The following L3MBTL3 variants were observed in gnomAD, a reference collection of about 807,000 sequenced individuals.
L3MBTL3 encodes the protein lethal(3)malignant brain tumor-like protein 3.
Under a neutral mutation model 102.3 loss-of-function variants are expected in L3MBTL3, and 27 were observed. That is an observed-to-expected ratio of 0.26 (90% CI 0.19 to 0.36). L3MBTL3 has a LOEUF of 0.36. Ranked by LOEUF, L3MBTL3 falls within the 10% of genes least tolerant of loss-of-function variation. L3MBTL3 has a pLI of 1.00. For missense variants in L3MBTL3, 798 were observed against 955.3 expected, an observed-to-expected ratio of 0.84 and a Z score of 2.17; for synonymous variants, 340 against 320.9, an observed-to-expected ratio of 1.06 and a Z score of -0.64.
intron 19 of L3MBTL3, among the ~76,000 whole-genome samples, chr6:130,106,578 C>T (rs756908965): frequency 2.0e-5 from 3 of 152,168 alleles, no homozygotes; most frequent in Non-Finnish European, 4.4e-5. Flanking sequence ...TGAAAATGTC[C>T]GAAGCAGCCT....
chr6:130,020,117 C>T (rs536303924), intron 1 of L3MBTL3, among the ~76,000 whole-genome samples: 2 of 149,758 alleles, frequency 1.3e-5, no homozygotes, highest in South Asian at 2.1e-4. Context: ...GGGTCGGGGC[C>T]GGGGCCGGCG....
chr6:130,047,056 A>G (rs1221128061), intron 3 of L3MBTL3, among the ~76,000 whole-genome samples: 1 of 152,190 alleles, frequency 6.6e-6, no homozygotes, highest in Non-Finnish European at 1.5e-5. Context: ...AAATGTTTTG[A>G]GGTATTTAAT....
At chr6:130,122,294 C>T (rs1582622248) in intron 20 of L3MBTL3, among the ~76,000 whole-genome samples, 2 of 152,290 alleles carry the variant, frequency 1.3e-5, no homozygotes, top group African/African-American at 4.8e-5. Context: ...ATCTGATTTT[C>T]ATAAAGCAAC....
intron 18 of L3MBTL3, among the ~76,000 whole-genome samples, chr6:130,097,433 G>T (rs1331304088): frequency 6.6e-6 from 1 of 152,168 alleles, no homozygotes; most frequent in East Asian, 1.9e-4. Context: ...ATAAGCAAGA[G>T]ACTTTGTTTT....
chr6:130,057,481 C>T lies in L3MBTL3; in HGVS notation c.743C>T (p.Ala248Val), dbSNP rs146342755. 5.0e-5 allele frequency: 80 copies of T among 1,608,776 alleles called. No homozygotes were observed. The African/African-American group carries it at 8.3e-4, about 17-fold the overall frequency. Residue 248 changes from alanine to valine, a missense_variant, in exon 9 of 23, where the codon GCG (alanine) becomes GTG (valine). Ala to Val is a moderately conservative substitution (Grantham distance 64, BLOSUM62 0). Around this residue, in one of 4 missense-constraint regions of L3MBTL3, gnomAD observed 434 missense variants for 506.6 expected, o/e 0.86. Coordinates refer to ENST00000361794, the MANE Select transcript of L3MBTL3 (RefSeq NM_032438.4). ...GAGGAGAAAGCGGTGGCAGTGCCGG[C>T]GAAGCTGTTCAAGGAGGTACGGGCC... ...LEEEKAVAVP[A>V]KLFKEHQSFP...
At chr6:130,111,355 G>A (rs1017168569) in intron 19 of L3MBTL3, among the ~76,000 whole-genome samples, 1 of 152,188 alleles carries the variant, frequency 6.6e-6, no homozygotes, top group African/African-American at 2.4e-5. Flanking sequence ...TTGAACCAGA[G>A]TGAGGCTGTA....
chr6:130,135,376 G>A (rs1002057599), intron 22 of L3MBTL3, among the ~76,000 whole-genome samples: 1 of 152,062 alleles, frequency 6.6e-6, no homozygotes. Context: ...AATTCATTCT[G>A]TATCGCTGAG....
chr6:130,041,897 A>G (rs1452743817), intron 2 of L3MBTL3, among the ~76,000 whole-genome samples: 1 of 152,186 alleles, frequency 6.6e-6, no homozygotes, highest in Non-Finnish European at 1.5e-5. Context: ...ACTGCTCATT[A>G]CTGTTGATTG....
At chr6:130,091,918 T>A (rs750043341) in intron 16 of L3MBTL3, among the ~76,000 whole-genome samples, 1 of 151,828 alleles carries the variant, frequency 6.6e-6, no homozygotes. Flanking sequence ...TAGAGTTAGA[T>A]AGAATCAGTA....
chr6:130,081,371 T>C (rs1334970721), intron 14 of L3MBTL3, among the ~76,000 whole-genome samples: 1 of 152,194 alleles, frequency 6.6e-6, no homozygotes, highest in Non-Finnish European at 1.5e-5. Flanking sequence ...GATGTGTTCC[T>C]TAAAAATGTC....
intron 13 of L3MBTL3, among the ~76,000 whole-genome samples, chr6:130,074,192 T>C (rs1722318043): frequency 6.6e-6 from 1 of 152,230 alleles, no homozygotes; most frequent in South Asian, 2.1e-4. Context: ...TTTTTTACAT[T>C]AGTGGGAATT....
intron 2 of L3MBTL3, among the ~76,000 whole-genome samples, chr6:130,041,998 C>G (rs1466192770): frequency 6.6e-6 from 1 of 152,138 alleles, no homozygotes. Context: ...ACTGATACCT[C>G]CATTCAGATT....
chr6:130,051,517 CT>C, intron 6 of L3MBTL3, 109 bp downstream of exon 6: 22 of 1,000,166 alleles, frequency 2.2e-5, no homozygotes, highest in South Asian at 5.0e-5. Flanking sequence ...CTATTGATAC[CT>C]TTTTCCCAGA....
At chr6:130,109,736 T>C (rs1032346847) in intron 19 of L3MBTL3, among the ~76,000 whole-genome samples, 2 of 152,234 alleles carry the variant, frequency 1.3e-5, no homozygotes, top group African/African-American at 4.8e-5. Flanking sequence ...CAATTTTGGC[T>C]TTTGTTGCAG....
intron 13 of L3MBTL3, among the ~76,000 whole-genome samples, chr6:130,072,564 A>G (rs1312003071): frequency 6.6e-6 from 1 of 152,178 alleles, no homozygotes; most frequent in East Asian, 1.9e-4. Context: ...AAATACAGTC[A>G]ATTTCTAACA....
intron 18 of L3MBTL3, among the ~76,000 whole-genome samples, chr6:130,098,387 TG>T (rs1257383740): frequency 6.6e-6 from 1 of 152,186 alleles, no homozygotes; most frequent in East Asian, 1.9e-4. Context: ...GAGGCCAGTC[TG>T]GTGTAAACAG....
intron 20 of L3MBTL3, among the ~76,000 whole-genome samples, chr6:130,129,589 G>A (rs1362451853): frequency 6.6e-6 from 1 of 152,166 alleles, no homozygotes; most frequent in East Asian, 1.9e-4. Context: ...ACCAAGTGGG[G>A]CAAGTGAGAA....
chr6:130,020,221 G>A (rs1778888409), intron 1 of L3MBTL3, among the ~76,000 whole-genome samples: 2 of 150,988 alleles, frequency 1.3e-5, no homozygotes, highest in South Asian at 4.2e-4. Flanking sequence ...GGCCGTCCTC[G>A]CGCCGCGGCG....
At chr6:130,126,377 A>G (rs1430501991) in intron 20 of L3MBTL3, among the ~76,000 whole-genome samples, 2 of 152,014 alleles carry the variant, frequency 1.3e-5, no homozygotes, top group African/African-American at 4.8e-5. Flanking sequence ...GGGTCAGCCT[A>G]CCACATGATG....
Sources: allele counts gnomAD v4.1 joint callset (sites outside exome capture counted in the v4.1 genomes callset), GRCh38; gene constraint gnomAD v4.1.1; regional missense constraint gnomAD v4.1.1; transcripts MANE v1.5; gene names NCBI Gene and HGNC (gene_info 2026-07-23, HGNC 2026-07-21).